Variants in DOCK4 observed in about 807,000 individuals in gnomAD.
DOCK4 encodes the protein dedicator of cytokinesis 4.
A neutral mutation model predicts 268.1 loss-of-function variants in DOCK4; 97 were observed. That is an observed-to-expected ratio of 0.36 (90% CI 0.31 to 0.43). The LOEUF is 0.43. Ranked by LOEUF, DOCK4 falls within the 20% of genes least tolerant of loss-of-function variation. The pLI, the probability that DOCK4 is intolerant of heterozygous loss-of-function variation, is 1.00. For synonymous variants in DOCK4, 954 were observed against 887.2 expected (o/e 1.08, Z -1.34); for missense variants, 2,145 against 2,455.7 (o/e 0.87, Z 2.67).
chr7:111,936,481 TATGA>T (rs201902114), intron 11 of DOCK4, among the ~76,000 whole-genome samples: 2 of 145,552 alleles, frequency 1.4e-5, no homozygotes, highest in Admixed American at 6.7e-5. Context: ...CTGTCAGTGG[TATGA>T]ATGGATGGAT....
chr7:111,771,627 G>T (rs931508792), intron 36 of DOCK4, among the ~76,000 whole-genome samples: 2 of 152,142 alleles, frequency 1.3e-5, no homozygotes, highest in Non-Finnish European at 2.9e-5. Context: ...CAGGCATCTA[G>T]TTTTCTCTGA....
intron 1 of DOCK4, among the ~76,000 whole-genome samples, chr7:112,166,034 A>C (rs1030603655): frequency 1.3e-5 from 2 of 152,148 alleles, no homozygotes; most frequent in East Asian, 1.9e-4. Context: ...TTTCTGTCAC[A>C]TCTTTTCTCA....
chr7:112,022,855 A>C (rs2135419286), intron 1 of DOCK4, among the ~76,000 whole-genome samples: 1 of 152,328 alleles, frequency 6.6e-6, no homozygotes, highest in African/African-American at 2.4e-5. Flanking sequence ...CTGCTAAGGA[A>C]GTGAAAGGCC....
intron 1 of DOCK4, among the ~76,000 whole-genome samples, chr7:112,143,644 A>G (rs1007925569): frequency 1.3e-5 from 2 of 152,152 alleles, no homozygotes; most frequent in African/African-American, 4.8e-5. Context: ...TCAAGCATCT[A>G]TTCTTTGTCT....
intron 1 of DOCK4, among the ~76,000 whole-genome samples, chr7:112,105,664 T>C (rs1001507387): frequency 6.6e-6 from 1 of 151,298 alleles, no homozygotes; most frequent in Non-Finnish European, 1.5e-5. Context: ...TCCTTCCTCG[T>C]CATTCCACTT....
chr7:111,793,125 T>C (rs921194239), intron 30 of DOCK4, among the ~76,000 whole-genome samples: 2 of 152,220 alleles, frequency 1.3e-5, no homozygotes, highest in Non-Finnish European at 2.9e-5. Flanking sequence ...CTCTATTATA[T>C]CCTCAGAGTA....
chr7:112,158,813 T>G (rs913307907), intron 1 of DOCK4, among the ~76,000 whole-genome samples: 1 of 152,232 alleles, frequency 6.6e-6, no homozygotes, highest in African/African-American at 2.4e-5. Context: ...AAATGGATGT[T>G]TCTCAAGCTC....
At chr7:112,028,920 C>T (rs1803036650) in intron 1 of DOCK4, among the ~76,000 whole-genome samples, 1 of 152,232 alleles carries the variant, frequency 6.6e-6, no homozygotes, top group African/African-American at 2.4e-5. Context: ...ATTATTTAAA[C>T]ATAATAATTA....
chr7:111,912,964 T>C (rs1434886245), intron 13 of DOCK4, among the ~76,000 whole-genome samples: 1 of 151,788 alleles, frequency 6.6e-6, no homozygotes, highest in Non-Finnish European at 1.5e-5. Context: ...GCATAGAAAT[T>C]TCCTTTTTTT....
intron 1 of DOCK4, among the ~76,000 whole-genome samples, chr7:112,073,880 T>G (rs1341032866): frequency 1.3e-5 from 2 of 152,094 alleles, no homozygotes; most frequent in African/African-American, 2.4e-5. Context: ...TATAATTTAT[T>G]ATATATTTTC....
intron 1 of DOCK4, among the ~76,000 whole-genome samples, chr7:112,006,626 C>A (rs942665814): frequency 6.6e-6 from 1 of 152,144 alleles, no homozygotes; most frequent in Non-Finnish European, 1.5e-5. Context: ...CTCTATAAAA[C>A]AAAGGAGCTA....
chr7:112,040,434 C>T (rs1215367848), intron 1 of DOCK4, among the ~76,000 whole-genome samples: 1 of 152,184 alleles, frequency 6.6e-6, no homozygotes, highest in Non-Finnish European at 1.5e-5. Flanking sequence ...GCATGAAAAA[C>T]TGATCAAGAA....
intron 39 of DOCK4, among the ~76,000 whole-genome samples, chr7:111,761,767 C>A (rs1181158015): frequency 6.6e-6 from 1 of 152,112 alleles, no homozygotes; most frequent in African/African-American, 2.4e-5. Flanking sequence ...CGGTTCCCCA[C>A]AAACCCCTAA....
chr7:112,048,387 T>TAA (rs1805024640), intron 1 of DOCK4, among the ~76,000 whole-genome samples: 1 of 32,610 alleles, frequency 3.1e-5, no homozygotes, highest in African/African-American at 1.5e-4. Flanking sequence ...CTACTAAAAA[T>TAA]ACAAAAAAAA....
chr7:111,976,272 TATATATA>T (rs1798193574), intron 8 of DOCK4, among the ~76,000 whole-genome samples: 12 of 1,914 alleles, frequency 6.3e-3, no homozygotes, highest in Admixed American at 0.013. Flanking sequence ...GTGTCTATTA[TATATATA>T]TATATATATA....
At chr7:112,004,750 G>A (rs1226598657) in intron 1 of DOCK4, among the ~76,000 whole-genome samples, 5 of 152,110 alleles carry the variant, frequency 3.3e-5, no homozygotes, top group East Asian at 3.8e-4. Flanking sequence ...GGGCCCTCCC[G>A]CAGGTCTAAA....
chr7:112,191,608 G>C (rs970774187), intron 1 of DOCK4, among the ~76,000 whole-genome samples: 1 of 152,166 alleles, frequency 6.6e-6, no homozygotes, highest in African/African-American at 2.4e-5. Flanking sequence ...CTTCAGCACT[G>C]CCCATAGAAC....
At chr7:111,745,914 A>G (rs969475574) in intron 44 of DOCK4, among the ~76,000 whole-genome samples, 3 of 152,124 alleles carry the variant, frequency 2.0e-5, no homozygotes, top group Non-Finnish European at 2.9e-5. Flanking sequence ...GATGGGTTGC[A>G]GTCGAAACTT....
chr7:112,185,945 C>T (rs868826076), intron 1 of DOCK4, among the ~76,000 whole-genome samples: 1 of 152,232 alleles, frequency 6.6e-6, no homozygotes, highest in Non-Finnish European at 1.5e-5. Flanking sequence ...CACAGCTGCA[C>T]ACTTAGGGCT....
Sources: allele counts gnomAD v4.1 joint callset (sites outside exome capture counted in the v4.1 genomes callset), GRCh38; gene constraint gnomAD v4.1.1; transcripts MANE v1.5; gene names NCBI Gene and HGNC (gene_info 2026-07-23, HGNC 2026-07-21).